DMD: variants seen among roughly 807,000 people sequenced by gnomAD.
DMD encodes mutant dystrophin.
DMD carries 63 observed loss-of-function variants against 330.1 expected under a neutral mutation model. That is an observed-to-expected ratio of 0.19 (90% CI 0.16 to 0.24). The LOEUF (loss-of-function observed/expected upper bound fraction) is 0.24. Among genes scored for constraint, DMD ranks in the 10% least tolerant of loss-of-function variants. DMD has a pLI of 1.00. For synonymous variants in DMD, 1,223 were observed against 959.8 expected, an observed-to-expected ratio of 1.27 and a Z score of -5.07; for missense variants, 3,344 against 2,684.1, an observed-to-expected ratio of 1.25 and a Z score of -5.43.
intron 64 of DMD, among the ~76,000 whole-genome samples, chrX:31,212,462 G>A (rs1228796655): frequency 9.1e-6 from 1 of 109,614 alleles, no homozygotes; most frequent in Non-Finnish European, 1.9e-5. Flanking sequence ...GTTGGGGGGC[G>A]GCGAGCAGGC....
intron 51 of DMD, among the ~76,000 whole-genome samples, chrX:31,755,873 G>A (rs1403945113): frequency 1.8e-5 from 2 of 111,329 alleles, no homozygotes; most frequent in East Asian, 2.8e-4. Flanking sequence ...TCATCTTGAG[G>A]CACCTATTCA....
chrX:32,081,744 C>T (rs1436878351), intron 44 of DMD, among the ~76,000 whole-genome samples: 1 of 110,769 alleles, frequency 9.0e-6, no homozygotes. Flanking sequence ...ATCCCAGATA[C>T]TTGGGAGTTT....
At chrX:31,505,078 G>A (rs940042356) in intron 56 of DMD, among the ~76,000 whole-genome samples, 7 of 112,207 alleles carry the variant, frequency 6.2e-5, no homozygotes, top group African/African-American at 2.3e-4. Flanking sequence ...GGCACTAAGT[G>A]ATACTCGGAA....
At chrX:32,624,902 G>C (rs750502254) in intron 11 of DMD, among the ~76,000 whole-genome samples, 1 of 111,667 alleles carries the variant, frequency 9.0e-6, no homozygotes, top group African/African-American at 3.3e-5. Context: ...GGCTGGGTGC[G>C]ATGGCTCACG....
chrX:32,338,160 G>T (rs1031575216), intron 41 of DMD, among the ~76,000 whole-genome samples: 1 of 111,267 alleles, frequency 9.0e-6, no homozygotes, highest in Non-Finnish European at 1.9e-5. Context: ...AAAGTCTTCA[G>T]TCAATATTGT....
At chrX:31,243,893 G>A (rs1057489016) in intron 63 of DMD, among the ~76,000 whole-genome samples, 2 of 112,448 alleles carry the variant, frequency 1.8e-5, no homozygotes, top group African/African-American at 6.5e-5. Context: ...AATTGGAAAC[G>A]ACTATGGAAA....
At chrX:32,163,734 G>A (rs185878208) in intron 44 of DMD, among the ~76,000 whole-genome samples, 1 of 111,532 alleles carries the variant, frequency 9.0e-6, no homozygotes, top group African/African-American at 3.3e-5. Context: ...TATGTAAGAT[G>A]TGAGATCTGA....
chrX:31,323,975 C>CTT lies in DMD; in HGVS notation c.9164-319_9164-318dup, dbSNP rs757087648. On this transcript the variant is annotated intron_variant, in intron 61 of 78. Transcript: ENST00000357033. ...TTCTTGTATGTGTCTCCCTTGAGTG[C>CTT]TTTTTTTTATAATACTTCCTGTTGC... Among the ~76,000 whole-genome samples the CTT allele has an allele frequency of 6.4e-3, 699 of 109,965 alleles. 4 individuals are homozygous for CTT. The highest frequency in any genetic ancestry group is 0.022 in the African/African-American group (669 of 30,149).
At chrX:31,799,853 G>A (rs768630197) in intron 50 of DMD, among the ~76,000 whole-genome samples, 4 of 112,210 alleles carry the variant, frequency 3.6e-5, no homozygotes, top group East Asian at 2.8e-4. Context: ...AAATAAAGGG[G>A]TTACAGGCCA....
chrX:31,840,715 T>C (rs56955791), intron 48 of DMD, among the ~76,000 whole-genome samples: 2,189 of 110,560 alleles, frequency 0.02, 56 homozygotes, highest in African/African-American at 0.069. Context: ...ATAACTGTTA[T>C]GGTGATGGGT....
At chrX:32,502,036 A>T (rs1358231647) in intron 18 of DMD, among the ~76,000 whole-genome samples, 194 bp from the exon 19 acceptor site, 2 of 112,172 alleles carry the variant, frequency 1.8e-5, no homozygotes, top group Non-Finnish European at 3.8e-5. Flanking sequence ...AGCCATTTTC[A>T]TGACTTGCTA....
chrX:33,153,278 T>C (rs2048361407), intron 1 of DMD, among the ~76,000 whole-genome samples: 1 of 112,192 alleles, frequency 8.9e-6, no homozygotes, highest in Admixed American at 9.4e-5. Context: ...GGCATGGTAG[T>C]GCATTGCCTA....
intron 1 of DMD, among the ~76,000 whole-genome samples, chrX:33,139,459 C>T (rs763077140): frequency 5.4e-5 from 6 of 111,114 alleles, no homozygotes; most frequent in Admixed American, 9.6e-5. Flanking sequence ...AGATTACAGG[C>T]ACCTGCCATC....
chrX:32,318,395 C>T (rs1363885977), intron 41 of DMD, among the ~76,000 whole-genome samples: 15 of 111,239 alleles, frequency 1.3e-4, no homozygotes, highest in Non-Finnish European at 3.8e-5. Context: ...TTTTAATCTG[C>T]GTTGTCACTG....
chrX:32,970,134 A>G (rs1168824757), intron 2 of DMD, among the ~76,000 whole-genome samples: 1 of 94,461 alleles, frequency 1.1e-5, no homozygotes, highest in East Asian at 3.3e-4. Context: ...CTCAATGCTC[A>G]TTCTCCTACT....
At chrX:32,345,917 G>A in intron 39 of DMD, 26 bp downstream of exon 39, 4 of 1,203,297 alleles carry the variant, frequency 3.3e-6, no homozygotes, top group Non-Finnish European at 4.5e-6. Flanking sequence ...CACAGGCAAG[G>A]TATATTATAA....
At chrX:32,934,947 G>A (rs1359975680) in intron 2 of DMD, among the ~76,000 whole-genome samples, 1 of 112,895 alleles carries the variant, frequency 8.9e-6, no homozygotes, top group African/African-American at 3.2e-5. Context: ...TGAGCTTTCT[G>A]GAGTGTTGTC....
chrX:31,372,971 A>G (rs2059675126), intron 60 of DMD, among the ~76,000 whole-genome samples: 1 of 112,016 alleles, frequency 8.9e-6, no homozygotes, highest in African/African-American at 3.2e-5. Context: ...CAACTTCAGC[A>G]AAGTCTCAGG....
intron 63 of DMD, among the ~76,000 whole-genome samples, chrX:31,256,199 G>T (rs1334040020): frequency 8.9e-6 from 1 of 111,851 alleles, no homozygotes; most frequent in African/African-American, 3.3e-5. Context: ...GACTATTGGG[G>T]GTAGTCACAG....
Sources: gnomAD v4.1 joint callset for allele counts (sites outside exome capture counted in the v4.1 genomes callset) on GRCh38, gnomAD v4.1.1 for gene constraint, MANE v1.5 for transcripts, NCBI Gene and HGNC (gene_info 2026-07-23, HGNC 2026-07-21) for gene names.